PKD1L1: variants seen among roughly 807,000 people sequenced by gnomAD.
The protein encoded by PKD1L1 is polycystin-1-like protein 1.
A neutral mutation model predicts 323.4 loss-of-function variants in PKD1L1; 236 were observed. The observed-to-expected ratio is 0.73, with a 90% CI of 0.66 to 0.81. The LOEUF (loss-of-function observed/expected upper bound fraction) is 0.81, where lower values mean the gene tolerates loss of function less well. PKD1L1 is among the 40% of genes least tolerant of loss of function. The pLI, the probability that PKD1L1 is intolerant of heterozygous loss-of-function variation, is 0.00. For synonymous variants in PKD1L1, 1,344 were observed against 1,335.0 expected, an observed-to-expected ratio of 1.01 and a Z score of -0.15; for missense variants, 3,320 against 3,508.0, an observed-to-expected ratio of 0.95 and a Z score of 1.35.
chr7:47,784,872 G>A (rs1233252459), intron 56 of PKD1L1, among the ~76,000 whole-genome samples: 2 of 152,108 alleles, frequency 1.3e-5, no homozygotes. Flanking sequence ...ACCCTTTCCA[G>A]AGCCACCTAT....
upstream of PKD1L1, among the ~76,000 whole-genome samples, chr7:47,952,040 T>C (rs1013032937): frequency 5.9e-5 from 9 of 152,196 alleles, no homozygotes; most frequent in Admixed American, 1.3e-4. Flanking sequence ...TTCTGTTCCT[T>C]GAGGCAGCTT....
At chr7:47,865,600 T>TA (rs74763880) in intron 25 of PKD1L1, among the ~76,000 whole-genome samples, 17 of 150,788 alleles carry the variant, frequency 1.1e-4, no homozygotes, top group African/African-American at 3.9e-4. Flanking sequence ...TATTTTATTT[T>TA]TTTGAGACGG....
intron 52 of PKD1L1, among the ~76,000 whole-genome samples, chr7:47,806,271 A>G (rs1396835985): frequency 1.3e-5 from 2 of 152,192 alleles, no homozygotes; most frequent in Non-Finnish European, 2.9e-5. Context: ...CCTGAGGCCC[A>G]CACCTGCTGG....
In PKD1L1 at chr7:47,835,059, G is replaced by C. The variant is rs1785428204; in HGVS notation, c.6055-20C>G. The C allele has an allele frequency of 6.2e-7, 1 of 1,613,012 alleles. No homozygotes were observed. Among genetic ancestry groups the C allele is most frequent in the Admixed American group, 1.7e-5 (1 of 59,870 alleles). Reference sequence around the variant, plus strand: ...GGCTTCCTGCAGAAGGAAAGAGGTGGTTCGCCAAGCGTGTTCCCCAGCAAT... The same window carrying C: ...GGCTTCCTGCAGAAGGAAAGAGGTGCTTCGCCAAGCGTGTTCCCCAGCAAT... On this transcript the variant is annotated intron_variant, in intron 38 of 56. Coordinates refer to ENST00000289672, the MANE Select transcript of PKD1L1 (RefSeq NM_138295.5).
intron 36 of PKD1L1, among the ~76,000 whole-genome samples, chr7:47,838,130 G>A (rs943201971): frequency 6.6e-6 from 1 of 152,218 alleles, no homozygotes; most frequent in Non-Finnish European, 1.5e-5. Flanking sequence ...CAGTTGAATG[G>A]ACCTTCAGTT....
intron 32 of PKD1L1, among the ~76,000 whole-genome samples, chr7:47,846,372 C>A (rs919429523): frequency 6.6e-6 from 1 of 152,104 alleles, no homozygotes; most frequent in Non-Finnish European, 1.5e-5. Context: ...TTCATGTTTG[C>A]GCAGAGACTT....
Position 47,853,209 on chromosome 7 carries a change from A to C in PKD1L1, c.4878T>G (p.Thr1626=). 1 of 1,612,072 alleles carries C rather than the reference A, an allele frequency of 6.2e-7. No individual in the cohort carries two copies. The highest frequency in any genetic ancestry group is 8.5e-7 in the Non-Finnish European group (1 of 1,178,126). The stretch of plus-strand genomic sequence containing the variant: ...TCTGCTTCACAAGAAAATCAGAGGG[A>C]GTAGGTTTCTCAGAGAATCTAGGAG... ...MLLVRFSEKP[T]PSDFLVKQIY... is the part of the protein sequence containing the mutation. Residue 1626 remains threonine, a synonymous_variant, in exon 31 of 57, where the codon ACT becomes ACG. Transcript: ENST00000289672.
intron 54 of PKD1L1, among the ~76,000 whole-genome samples, chr7:47,799,035 T>G (rs1584950269): frequency 6.6e-6 from 1 of 152,184 alleles, no homozygotes; most frequent in East Asian, 1.9e-4. Flanking sequence ...CCACAATTAT[T>G]TGTATATGCC....
chr7:47,869,755 T>C (rs1185785595), intron 24 of PKD1L1, among the ~76,000 whole-genome samples: 1 of 152,144 alleles, frequency 6.6e-6, no homozygotes, highest in Non-Finnish European at 1.5e-5. Flanking sequence ...AGATAACCAT[T>C]GAACATTTAG....
At chr7:47,793,384 G>A (rs539800106) in intron 55 of PKD1L1, among the ~76,000 whole-genome samples, 44 of 152,064 alleles carry the variant, frequency 2.9e-4, no homozygotes, top group Admixed American at 5.2e-4. Context: ...TGAATCATGG[G>A]GGCTGGTCTT....
chr7:47,915,626 AG>A, intron 7 of PKD1L1, 27 bp from the exon 8 acceptor site: 1 of 1,403,160 alleles, frequency 7.1e-7, no homozygotes, highest in Non-Finnish European at 9.8e-7. Context: ...AAGAAAATAA[AG>A]ATAAAAGTGG....
intron 55 of PKD1L1, 97 bp from the exon 56 acceptor site, chr7:47,792,894 A>G: frequency 8.6e-7 from 1 of 1,163,086 alleles, no homozygotes; most frequent in South Asian, 1.5e-5. Context: ...ATCTGTAGAC[A>G]GTATTGGGCT....
At chr7:47,851,157 G>A (rs950174351) in intron 31 of PKD1L1, among the ~76,000 whole-genome samples, 16 of 152,300 alleles carry the variant, frequency 1.1e-4, no homozygotes, top group African/African-American at 3.8e-4. Flanking sequence ...GTGATGCGCA[G>A]TTCTTGTGTT....
In PKD1L1 at chr7:47,946,466, C is replaced by T. The variant is rs968942578; in HGVS notation, c.44+1931G>A. On this transcript the variant is annotated intron_variant, in intron 1 of 56. Transcript: ENST00000289672. The surrounding 1 kb of genome is among the most constrained non-coding windows in gnomAD (Gnocchi z 4.1). ...ACAGCACATACCCACCCACCACACA[C>T]ACATCGCACACACCACACACCACGC... Among the ~76,000 whole-genome samples, 2 of 149,144 alleles carry T rather than the reference C, an allele frequency of 1.3e-5. No individual in the cohort carries two copies. The highest frequency in any genetic ancestry group is 3.0e-5 in the Non-Finnish European group (2 of 67,298).
intron 14 of PKD1L1, among the ~76,000 whole-genome samples, chr7:47,895,984 T>C (rs982789328): frequency 2.6e-5 from 4 of 152,198 alleles, no homozygotes; most frequent in Non-Finnish European, 4.4e-5. Context: ...TAGGACTGTG[T>C]GATTTCACTC....
At chr7:47,867,020 A>C (rs879832778) in intron 24 of PKD1L1, among the ~76,000 whole-genome samples, 8 of 152,214 alleles carry the variant, frequency 5.3e-5, no homozygotes, top group Non-Finnish European at 1.0e-4. Flanking sequence ...GGAAAAGATA[A>C]CACAGTATTG....
intron 19 of PKD1L1, among the ~76,000 whole-genome samples, chr7:47,883,852 T>A (rs1786619275): frequency 6.6e-6 from 1 of 152,262 alleles, no homozygotes; most frequent in Admixed American, 6.5e-5. Context: ...CCTACTCATT[T>A]GACAGATAAA....
chr7:47,875,443 A>G (rs575902196), intron 23 of PKD1L1, among the ~76,000 whole-genome samples: 2 of 152,366 alleles, frequency 1.3e-5, no homozygotes, highest in South Asian at 4.1e-4. Flanking sequence ...GCACATCAGA[A>G]TCTTCCAGGC....
In PKD1L1 at chr7:47,811,929, G is replaced by C; in HGVS notation, c.7469C>G (p.Ser2490Cys). The change falls in exon 50 of 57, where the codon TCC becomes TGC. Residue 2490 changes from serine (S) to cysteine (C), a missense_variant. Coordinates refer to ENST00000289672, the MANE Select transcript of PKD1L1 (RefSeq NM_138295.5). ...NPPTQLFTSV[S>C]LRVEILPTGS... ...CGTAGGGAGGATCTCCACTCTCAGG[G>C]ACACGCTGGTGAAGAGTTGGGTTGG... The C allele has an allele frequency of 6.2e-7, 1 of 1,608,086 alleles. No homozygotes were observed. The highest frequency in any genetic ancestry group is 8.5e-7 in the Non-Finnish European group (1 of 1,177,462).
Sources: allele counts gnomAD v4.1 joint callset (sites outside exome capture counted in the v4.1 genomes callset), GRCh38; gene constraint gnomAD v4.1.1; non-coding constraint Gnocchi (gnomAD v3.1); transcripts MANE v1.5; gene names NCBI Gene and HGNC (gene_info 2026-07-23, HGNC 2026-07-21).